The following COL24A1 variants were observed in gnomAD, a reference collection of about 807,000 sequenced individuals.
The protein encoded by COL24A1 is collagen alpha-1(XXIV) chain.
Under a neutral mutation model 253.9 loss-of-function variants are expected in COL24A1, and 224 were observed. The ratio of observed to expected loss-of-function variants is 0.88; its 90% CI spans 0.79 to 0.99. COL24A1 has a LOEUF of 0.99. COL24A1 is among the 50% of genes least tolerant of loss of function. The pLI is 0.00. For synonymous variants in COL24A1, 685 were observed against 673.7 expected (o/e 1.02, Z -0.26); for missense variants, 2,131 against 2,068.5 (o/e 1.03, Z -0.59).
intron 8 of COL24A1, among the ~76,000 whole-genome samples, chr1:86,061,803 C>T (rs1210412413): frequency 1.3e-5 from 2 of 151,986 alleles, no homozygotes; most frequent in Non-Finnish European, 2.9e-5. Flanking sequence ...AAAGTTGGCT[C>T]ACTCAGATCT....
chr1:86,129,928 T>G (rs1648903744), intron 2 of COL24A1, among the ~76,000 whole-genome samples: 1 of 151,832 alleles, frequency 6.6e-6, no homozygotes, highest in Non-Finnish European at 1.5e-5. Flanking sequence ...TCTTGTTTAT[T>G]TTTGTACAAT....
chr1:85,814,401 G>A (rs1361377726), intron 47 of COL24A1, among the ~76,000 whole-genome samples: 1 of 152,116 alleles, frequency 6.6e-6, no homozygotes, highest in Non-Finnish European at 1.5e-5. Context: ...TTTTGTATTG[G>A]CTTTCTCTTA....
chr1:85,811,507 G>T (rs2101884260), intron 47 of COL24A1, among the ~76,000 whole-genome samples: 1 of 152,166 alleles, frequency 6.6e-6, no homozygotes, highest in East Asian at 1.9e-4. Context: ...ATTTTCTGAG[G>T]AACTACCATA....
intron 37 of COL24A1, among the ~76,000 whole-genome samples, chr1:85,853,740 A>G (rs1175236239): frequency 1.3e-5 from 2 of 152,124 alleles, no homozygotes; most frequent in Non-Finnish European, 2.9e-5. Flanking sequence ...GCATTTTTTC[A>G]TCTACTTGAT....
chr1:85,866,938 G>A (rs1347919777), intron 37 of COL24A1, among the ~76,000 whole-genome samples: 2 of 152,142 alleles, frequency 1.3e-5, no homozygotes, highest in Non-Finnish European at 2.9e-5. Flanking sequence ...CCATTTGCCA[G>A]TGCTCAAAAA....
intron 53 of COL24A1, among the ~76,000 whole-genome samples, chr1:85,762,218 T>C (rs894388633): frequency 1.5e-4 from 23 of 152,198 alleles, no homozygotes; most frequent in Non-Finnish European, 1.3e-4. Context: ...GTTAAGACTA[T>C]ATTGAGTCAA....
At chr1:86,008,989 CA>C (rs1401630156) in intron 19 of COL24A1, among the ~76,000 whole-genome samples, 1 of 150,564 alleles carries the variant, frequency 6.6e-6, no homozygotes, top group Non-Finnish European at 1.5e-5. Context: ...AAATGAAAGA[CA>C]ACCGTTGTTG....
intron 53 of COL24A1, among the ~76,000 whole-genome samples, chr1:85,771,889 G>A (rs1184257848): frequency 4.0e-5 from 6 of 148,716 alleles, no homozygotes; most frequent in South Asian, 4.3e-4. Flanking sequence ...ATGCTGGTGC[G>A]CTGCACCCAC....
intron 47 of COL24A1, among the ~76,000 whole-genome samples, chr1:85,808,243 A>G (rs1672181328): frequency 1.3e-5 from 2 of 152,250 alleles, no homozygotes; most frequent in South Asian, 4.1e-4. Context: ...ATACAGGGGT[A>G]GTGATTCCTA....
At chr1:85,923,757 A>G (rs1028874404) in intron 24 of COL24A1, among the ~76,000 whole-genome samples, 1 of 152,228 alleles carries the variant, frequency 6.6e-6, no homozygotes, top group Non-Finnish European at 1.5e-5. Context: ...AACAATTGAA[A>G]GAACTATAGA....
At chr1:85,870,301 T>C (rs1186075185) in intron 35 of COL24A1, among the ~76,000 whole-genome samples, 1 of 152,038 alleles carries the variant, frequency 6.6e-6, no homozygotes, top group African/African-American at 2.4e-5. Context: ...GACAGAAAGT[T>C]AACAAGGATA....
chr1:85,760,071 T>TTTG (rs1553167788), intron 55 of COL24A1, among the ~76,000 whole-genome samples: 4 of 149,650 alleles, frequency 2.7e-5, no homozygotes, highest in African/African-American at 9.9e-5. Flanking sequence ...TTTTTTTTTT[T>TTTG]TTTGTTTGTT....
chr1:85,999,636 G>GTAAAA (rs1243482112), intron 19 of COL24A1, among the ~76,000 whole-genome samples: 70 of 59,142 alleles, frequency 1.2e-3, no homozygotes, highest in South Asian at 9.1e-3. Flanking sequence ...ATAAAATAAA[G>GTAAAA]TAAAATAAAA....
At chr1:86,111,868 T>C (rs565868243) in intron 5 of COL24A1, among the ~76,000 whole-genome samples, 1 of 152,184 alleles carries the variant, frequency 6.6e-6, no homozygotes, top group Admixed American at 6.5e-5. Flanking sequence ...CATGAACGTC[T>C]GCAGCTTCAC....
rs147522250 is a variant in COL24A1, at chr1:85,817,776, C to G, written c.3843+258G>C. 5.6e-3 allele frequency among the ~76,000 whole-genome samples: 857 copies of G among 152,250 alleles called. 6 individuals carry two copies. The highest frequency in any genetic ancestry group is 9.6e-3 in the Non-Finnish European group (655 of 68,004). On this transcript the variant is annotated intron_variant, in intron 46 of 59. Transcript: ENST00000370571. ...TTTTTCAGTGGTTCACCGTCAGAAG[C>G]ATGAGTCCACCGGGAGGGCTTCATA...
chr1:86,063,178 G>A (rs1251649389), intron 8 of COL24A1, among the ~76,000 whole-genome samples: 1 of 151,822 alleles, frequency 6.6e-6, no homozygotes, highest in African/African-American at 2.4e-5. Context: ...AAACTATTTT[G>A]ACTTTTAAAT....
Position 85,812,925 on chromosome 1 carries a change from G to A in COL24A1, c.3951+3863C>T, listed in dbSNP as rs79375481. On this transcript the variant is annotated intron_variant, in intron 47 of 59. Coordinates refer to ENST00000370571, the MANE Select transcript of COL24A1 (RefSeq NM_152890.7). ...AGGCCAACATTGAGCTCCCAACAAG[G>A]CAATGCTCCCTGGGAGATAAGTTGG... is the stretch of plus-strand genomic sequence containing the variant. 6.5e-3 allele frequency among the ~76,000 whole-genome samples: 991 copies of A among 152,264 alleles called. 9 individuals are homozygous for A. The highest frequency in any genetic ancestry group is 0.023 in the African/African-American group (950 of 41,556).
At chr1:85,738,546 C>A (rs117025730) in intron 57 of COL24A1, among the ~76,000 whole-genome samples, 4 of 152,140 alleles carry the variant, frequency 2.6e-5, no homozygotes, top group Non-Finnish European at 5.9e-5. Flanking sequence ...TAATTCCAGA[C>A]TAATAGACTG....
rs139207373 is a variant in COL24A1 at position 86,063,524 on chromosome 1, A to G, written c.1752+191T>C. Among the ~76,000 whole-genome samples, 36 of 152,234 alleles carry G rather than the reference A, an allele frequency of 2.4e-4. No individual in the cohort carries two copies. In the East Asian group the frequency reaches 6.2e-3, roughly 26 times the overall value. Reference sequence around the variant, plus strand: ...CAAAAGTAAAAAATGATTAACAGTGAAATATTATGTTATAGTTTTTTAAAT... The same window carrying G: ...CAAAAGTAAAAAATGATTAACAGTGGAATATTATGTTATAGTTTTTTAAAT... On this transcript the variant is annotated intron_variant, in intron 8 of 59. Coordinates refer to ENST00000370571, the MANE Select transcript of COL24A1 (RefSeq NM_152890.7).
Sources: allele counts gnomAD v4.1 joint callset (sites outside exome capture counted in the v4.1 genomes callset), GRCh38; gene constraint gnomAD v4.1.1; transcripts MANE v1.5; gene names NCBI Gene and HGNC (gene_info 2026-07-23, HGNC 2026-07-21).